The following STPG2 variants were observed in gnomAD, a reference collection of about 807,000 sequenced individuals.
STPG2 encodes the protein sperm-tail PG-rich repeat-containing protein 2.
A neutral mutation model predicts 54.2 loss-of-function variants in STPG2; 56 were observed. The observed-to-expected ratio is 1.03, with a 90% confidence interval of 0.83 to 1.29. The LOEUF is 1.29. STPG2 is among the 50% of genes most tolerant of loss of function. The pLI, the probability that STPG2 is intolerant of heterozygous loss-of-function variation, is 0.00. For missense variants in STPG2, 596 were observed against 544.9 expected (o/e 1.09, Z -0.93); for synonymous variants, 200 against 181.8 (o/e 1.10, Z -0.81).
chr4:97,489,015 T>C (rs1229621329), intron 4 of STPG2, among the ~76,000 whole-genome samples: 1 of 151,666 alleles, frequency 6.6e-6, no homozygotes, highest in Non-Finnish European at 1.5e-5. Flanking sequence ...AAGAACCCAG[T>C]GGGAGGTCAT....
intron 4 of STPG2, among the ~76,000 whole-genome samples, chr4:97,499,218 T>C (rs777080730): frequency 2.0e-5 from 3 of 151,956 alleles, no homozygotes; most frequent in Non-Finnish European, 4.4e-5. Flanking sequence ...CAAGGGATTG[T>C]CAGACTTTTA....
rs143648763 is a variant in STPG2 at position 97,467,790 on chromosome 4, T to A, written c.462+244909A>T. Among the ~76,000 whole-genome samples the A allele has an allele frequency of 6.6e-5, 10 of 151,168 alleles. No individual in the cohort carries two copies. In the East Asian group the frequency reaches 1.9e-3, roughly 29 times the overall value. On this transcript the variant is annotated intron_variant, in intron 4 of 4. Coordinates refer to the STPG2 transcript ENST00000522676. ...GGAACACTACCAGGTACTCTATAAG[T>A]CATCTCATAGTTTGAGTAAGAATAT...
At chr4:97,501,647 G>A (rs908507234) in intron 4 of STPG2, among the ~76,000 whole-genome samples, 6 of 151,626 alleles carry the variant, frequency 4.0e-5, no homozygotes, top group African/African-American at 1.5e-4. Context: ...GTGAGTTCGA[G>A]ATCGTGCCAC....
At chr4:97,797,113 T>C (rs1085024) in intron 9 of STPG2, among the ~76,000 whole-genome samples, 1 of 152,090 alleles carries the variant, frequency 6.6e-6, no homozygotes, top group Non-Finnish European at 1.5e-5. Context: ...TTTCTACACA[T>C]ACAATCACGT....
At chr4:98,082,192 T>A (rs980803463) in intron 5 of STPG2, among the ~76,000 whole-genome samples, 1 of 152,076 alleles carries the variant, frequency 6.6e-6, no homozygotes, top group Non-Finnish European at 1.5e-5. Flanking sequence ...AACCACTTCC[T>A]ACATTAAGAG....
At chr4:97,699,503 A>T (rs892455396) in intron 10 of STPG2, among the ~76,000 whole-genome samples, 1 of 152,310 alleles carries the variant, frequency 6.6e-6, no homozygotes, top group East Asian at 1.9e-4. Context: ...GCTTCTTCCA[A>T]GTCCCTGACC....
chr4:97,688,885 C>T (rs956069479), intron 10 of STPG2, among the ~76,000 whole-genome samples: 16 of 152,050 alleles, frequency 1.1e-4, no homozygotes, highest in African/African-American at 3.4e-4. Context: ...AAGGTCTTTC[C>T]TTCACTCTGG....
chr4:97,924,072 G>C (rs915878673), intron 8 of STPG2, among the ~76,000 whole-genome samples: 2 of 152,066 alleles, frequency 1.3e-5, no homozygotes, highest in African/African-American at 4.8e-5. Flanking sequence ...CACTCTTTGG[G>C]TCCACACTGC....
rs185451411 is a variant in STPG2 at position 97,662,791 on chromosome 4, G to C, written c.1320+49908C>G. On this transcript the variant is annotated intron_variant, in intron 10 of 10. Transcript: ENST00000295268. ...AAGAGACACTGTGGACTACTAGAGT[G>C]GGGAGGAAGTGGGGACTGTGGGTTG... Among the ~76,000 whole-genome samples, 236 of 152,244 alleles carry C rather than the reference G, an allele frequency of 1.6e-3. 1 individual carries two copies. Among genetic ancestry groups the C allele is most frequent in the African/African-American group, 5.4e-3 (226 of 41,568 alleles).
intron 8 of STPG2, among the ~76,000 whole-genome samples, chr4:97,900,286 A>T (rs533269914): frequency 6.6e-6 from 1 of 152,282 alleles, no homozygotes; most frequent in South Asian, 2.1e-4. Context: ...GATGCTGACA[A>T]GGTTGCAGAA....
At chr4:97,518,760 T>G (rs1312697360) in intron 4 of STPG2, among the ~76,000 whole-genome samples, 1 of 152,130 alleles carries the variant, frequency 6.6e-6, no homozygotes, top group Non-Finnish European at 1.5e-5. Context: ...GAACTGCCTG[T>G]TATGTTACTT....
At chr4:98,044,526 A>T (rs918478813) in intron 5 of STPG2, among the ~76,000 whole-genome samples, 3 of 152,166 alleles carry the variant, frequency 2.0e-5, no homozygotes, top group African/African-American at 7.2e-5. Flanking sequence ...TCACTGAAAT[A>T]TACCTCAGGC....
intron 3 of STPG2, among the ~76,000 whole-genome samples, chr4:98,114,763 T>TGTGTGTG (rs59647920): frequency 3.4e-5 from 5 of 145,102 alleles, no homozygotes; most frequent in African/African-American, 1.3e-4. Flanking sequence ...ATTTTTTTTT[T>TGTGTGTG]TTTGTGTGTG....
At chr4:98,076,299 T>C (rs1017600268) in intron 5 of STPG2, among the ~76,000 whole-genome samples, 11 of 150,802 alleles carry the variant, frequency 7.3e-5, no homozygotes, top group Non-Finnish European at 1.0e-4. Flanking sequence ...TAATCCAATA[T>C]GAAAAACTGA....
At chr4:97,551,950 A>G (rs1296865888) in intron 4 of STPG2, among the ~76,000 whole-genome samples, 1 of 152,182 alleles carries the variant, frequency 6.6e-6, no homozygotes, top group Admixed American at 6.5e-5. Flanking sequence ...GTAAAGACAC[A>G]TGCTTTTTAA....
intron 4 of STPG2, among the ~76,000 whole-genome samples, chr4:97,517,886 A>G (rs1022966925): frequency 2.0e-5 from 3 of 151,572 alleles, no homozygotes; most frequent in African/African-American, 7.3e-5. Flanking sequence ...GAAATTTTCT[A>G]TTGCTACTTT....
chr4:98,026,341 C>T (rs957842904), intron 5 of STPG2: 10 of 506,332 alleles, frequency 2.0e-5, no homozygotes, highest in East Asian at 7.4e-5. Flanking sequence ...TGGAGTGTAC[C>T]GTGTTAGTTA....
At chr4:97,612,758 G>A (rs1018046495) in intron 10 of STPG2, among the ~76,000 whole-genome samples, 11 of 151,926 alleles carry the variant, frequency 7.2e-5, no homozygotes. Context: ...GTAGTCAAGT[G>A]TAGATAGTGT....
chr4:97,824,269 A>G (rs1359914294), intron 9 of STPG2, among the ~76,000 whole-genome samples: 1 of 152,084 alleles, frequency 6.6e-6, no homozygotes, highest in Non-Finnish European at 1.5e-5. Flanking sequence ...CATTGCAGGC[A>G]ATGCTTTTCT....
Sources: gnomAD v4.1 joint callset for allele counts (sites outside exome capture counted in the v4.1 genomes callset) on GRCh38, gnomAD v4.1.1 for gene constraint, MANE v1.5 for transcripts, NCBI Gene and HGNC (gene_info 2026-07-23, HGNC 2026-07-21) for gene names.